The following RARB variants were observed in gnomAD, a reference collection of about 807,000 sequenced individuals.
RARB encodes the protein HBV-activated protein.
In RARB, 17 loss-of-function variants were observed where a neutral mutation model predicts 51.9. That is an observed-to-expected ratio of 0.33 (90% CI 0.22 to 0.49). RARB has a LOEUF of 0.49. Among genes scored for constraint, RARB ranks in the 20% least tolerant of loss-of-function variants. RARB has a pLI of 0.99. For synonymous variants in RARB, 215 were observed against 195.4 expected (o/e 1.10, Z -0.84); for missense variants, 369 against 550.8 (o/e 0.67, Z 3.30).
intron 5 of RARB, among the ~76,000 whole-genome samples, chr3:25,222,890 A>G (rs1475856143): frequency 1.3e-5 from 2 of 152,254 alleles, no homozygotes; most frequent in African/African-American, 2.4e-5. Context: ...AAATTCAAGT[A>G]TATAAATTAC....
At chr3:25,327,733 G>A (rs189013782) in intron 5 of RARB, among the ~76,000 whole-genome samples, 110 of 152,226 alleles carry the variant, frequency 7.2e-4, no homozygotes, top group African/African-American at 2.3e-3. Context: ...GATGAGAAAC[G>A]GTAAAGTCTC....
chr3:25,230,761 T>C (rs1036197320), intron 5 of RARB, among the ~76,000 whole-genome samples: 1 of 152,106 alleles, frequency 6.6e-6, no homozygotes, highest in African/African-American at 2.4e-5. Flanking sequence ...GTTTTGTCTT[T>C]AGACTTCACT....
chr3:25,433,029 A>C (rs1287487320), intron 1 of RARB, among the ~76,000 whole-genome samples: 1 of 152,192 alleles, frequency 6.6e-6, no homozygotes, highest in Non-Finnish European at 1.5e-5. Context: ...TATACTTTAA[A>C]TGTTCTAATA....
At chr3:24,967,361 C>A (rs1696298499) in intron 2 of RARB, among the ~76,000 whole-genome samples, 1 of 152,134 alleles carries the variant, frequency 6.6e-6, no homozygotes, top group Non-Finnish European at 1.5e-5. Flanking sequence ...TTTGCCCAAG[C>A]CTCTGTTTCC....
chr3:25,338,099 A>T (rs1205504134), intron 5 of RARB, among the ~76,000 whole-genome samples: 1 of 4,110 alleles, frequency 2.4e-4, no homozygotes, highest in Non-Finnish European at 6.1e-4. Context: ...AACCCCCAAC[A>T]CACACACACA....
At chr3:25,122,890 A>G (rs982847651) in intron 3 of RARB, among the ~76,000 whole-genome samples, 10 of 152,160 alleles carry the variant, frequency 6.6e-5, no homozygotes, top group Non-Finnish European at 1.3e-4. Context: ...TGGTGATGCT[A>G]AATCCTTTCC....
intron 1 of RARB, among the ~76,000 whole-genome samples, chr3:24,830,414 A>C (rs1306726565): frequency 2.2e-5 from 1 of 45,714 alleles, no homozygotes; most frequent in Non-Finnish European, 5.1e-5. Flanking sequence ...AACAGGTGAC[A>C]GAAGACGTGT....
intron 3 of RARB, among the ~76,000 whole-genome samples, chr3:25,501,816 C>T (rs552686045): frequency 9.9e-5 from 15 of 152,226 alleles, no homozygotes; most frequent in Non-Finnish European, 1.9e-4. Flanking sequence ...AACTTGATTT[C>T]GTTTTTCTTC....
intron 5 of RARB, among the ~76,000 whole-genome samples, chr3:25,216,006 G>A (rs943601083): frequency 6.6e-6 from 1 of 152,156 alleles, no homozygotes; most frequent in Non-Finnish European, 1.5e-5. Flanking sequence ...ATACTCAAGG[G>A]CATGGACTAA....
chr3:24,859,170 A>G (rs575196026), intron 2 of RARB, among the ~76,000 whole-genome samples: 3 of 152,292 alleles, frequency 2.0e-5, no homozygotes, highest in Admixed American at 2.0e-4. Context: ...AGTTCAACTC[A>G]AGGCAGCAGT....
At chr3:24,860,648 G>C (rs1012975891) in intron 2 of RARB, among the ~76,000 whole-genome samples, 4 of 152,124 alleles carry the variant, frequency 2.6e-5, no homozygotes, top group African/African-American at 9.7e-5. Flanking sequence ...TTACAGAAGA[G>C]AGCATTGCAT....
intron 2 of RARB, among the ~76,000 whole-genome samples, chr3:25,492,226 C>A (rs1696775404): frequency 6.6e-6 from 1 of 152,084 alleles, no homozygotes; most frequent in South Asian, 2.1e-4. Flanking sequence ...CTATATGATA[C>A]CTGGTCATTT....
intron 4 of RARB, among the ~76,000 whole-genome samples, chr3:25,149,340 A>G (rs893460181): frequency 1.3e-5 from 2 of 152,236 alleles, no homozygotes; most frequent in South Asian, 2.1e-4. Flanking sequence ...GTCGTCTGCA[A>G]TCCTTTGCAG....
intron 2 of RARB, among the ~76,000 whole-genome samples, chr3:25,484,360 A>C (rs1696367290): frequency 6.6e-6 from 1 of 152,138 alleles, no homozygotes; most frequent in Non-Finnish European, 1.5e-5. Context: ...ATAGTTTCTG[A>C]GACCGTGATG....
At chr3:25,201,137 T>G (rs545178030) in intron 5 of RARB, among the ~76,000 whole-genome samples, 68 of 152,228 alleles carry the variant, frequency 4.5e-4, no homozygotes, top group African/African-American at 1.5e-3. Flanking sequence ...CCTTGAAGAG[T>G]TCCTTCACAT....
chr3:24,954,359 A>G (rs1204123533), intron 2 of RARB, among the ~76,000 whole-genome samples: 1 of 152,180 alleles, frequency 6.6e-6, no homozygotes, highest in Admixed American at 6.5e-5. Context: ...GCTGAGTTCT[A>G]TTACTTCCTC....
At chr3:24,954,499 C>T (rs1157560899) in intron 2 of RARB, among the ~76,000 whole-genome samples, 1 of 152,124 alleles carries the variant, frequency 6.6e-6, no homozygotes, top group African/African-American at 2.4e-5. Context: ...AATTTAATCC[C>T]CTTATCTTAC....
intron 3 of RARB, among the ~76,000 whole-genome samples, chr3:25,069,489 C>A (rs1185470041): frequency 6.6e-6 from 1 of 152,108 alleles, no homozygotes; most frequent in African/African-American, 2.4e-5. Context: ...GGAATGATTT[C>A]CTATTGAATA....
intron 2 of RARB, among the ~76,000 whole-genome samples, chr3:25,049,929 C>T (rs1435508725): frequency 6.6e-6 from 1 of 152,146 alleles, no homozygotes; most frequent in Non-Finnish European, 1.5e-5. Context: ...AAGGGAAAGA[C>T]ACGTAGACGG....
Sources: allele counts gnomAD v4.1 joint callset (sites outside exome capture counted in the v4.1 genomes callset), GRCh38; gene constraint gnomAD v4.1.1; transcripts MANE v1.5; gene names NCBI Gene and HGNC (gene_info 2026-07-23, HGNC 2026-07-21).